Variants in SNTB2 observed in about 807,000 individuals in gnomAD.
SNTB2 encodes the protein beta-2-syntrophin.
SNTB2 carries 34 observed loss-of-function variants against 46.2 expected under a neutral mutation model. The ratio of observed to expected loss-of-function variants is 0.74; its 90% CI spans 0.56 to 0.98. The LOEUF is 0.98. SNTB2 is among the 50% of genes least tolerant of loss of function. The pLI, the probability that SNTB2 is intolerant of heterozygous loss-of-function variation, is 0.00. For missense variants in SNTB2, 603 were observed against 731.4 expected, an observed-to-expected ratio of 0.82 and a Z score of 2.02; for synonymous variants, 290 against 312.6, an observed-to-expected ratio of 0.93 and a Z score of 0.76.
At chr16:69,208,994 T>A (rs1208460023) in intron 1 of SNTB2, among the ~76,000 whole-genome samples, 1 of 145,676 alleles carries the variant, frequency 6.9e-6, no homozygotes, top group Non-Finnish European at 1.5e-5. Flanking sequence ...GTGTGTGTTT[T>A]TGAGATGGAG....
intron 1 of SNTB2, among the ~76,000 whole-genome samples, chr16:69,213,551 G>A (rs1964311845): frequency 1.3e-5 from 2 of 151,644 alleles, no homozygotes; most frequent in East Asian, 1.9e-4. Context: ...TGAGGCTGGA[G>A]AGCAGTGGCA....
Position 69,307,423 on chromosome 16 carries a change from C to T in SNTB2, c.*6499C>T, listed in dbSNP as rs1965324470. ...TTAGACTTTAGTTTGGGAAAGAGAA[C>T]AGTATACAGTATCCTTTGTAAGATA... On this transcript the variant is annotated 3_prime_UTR_variant, in exon 7 of 7. Coordinates refer to ENST00000336278, the MANE Select transcript of SNTB2 (RefSeq NM_006750.4). The T allele has an allele frequency of 6.6e-6, 1 of 151,990 alleles. No individual in the cohort carries two copies. The highest frequency in any genetic ancestry group is 2.1e-4 in the South Asian group (1 of 4,834). 9.4% of individuals were successfully genotyped at this position (151,990 alleles called of 1,614,324 possible).
rs1964661758 is a variant in SNTB2 at position 69,245,510 on chromosome 16, TTATAGA to T, written c.581-86_581-81del. On this transcript the variant is annotated intron_variant, in intron 1 of 6. Coordinates refer to ENST00000336278, the MANE Select transcript of SNTB2 (RefSeq NM_006750.4). ...GCGCCCAGCTCTTTCCTCCACTTTG[TTATAGA>T]TATAGCATGTATGTGAATACTTTAG... 159 of 1,268,420 alleles carry T rather than the reference TTATAGA, an allele frequency of 1.3e-4. 2 individuals carry two copies. In the South Asian group the frequency reaches 2.0e-3, roughly 16 times the overall value. The allele number at this position is 1,268,420 out of a possible 1,614,324, so 78.6% of individuals were successfully genotyped here.
At chr16:69,202,205 T>G (rs1048019668) in intron 1 of SNTB2, among the ~76,000 whole-genome samples, 1 of 152,206 alleles carries the variant, frequency 6.6e-6, no homozygotes, top group Non-Finnish European at 1.5e-5. Flanking sequence ...TTCTCTGACT[T>G]GGAGGCTTTC....
At chr16:69,189,841 C>G (rs1202097089) in intron 1 of SNTB2, among the ~76,000 whole-genome samples, 1 of 152,192 alleles carries the variant, frequency 6.6e-6, no homozygotes, top group African/African-American at 2.4e-5. Flanking sequence ...AAATGCTTCC[C>G]AGTCTTTATT....
At chr16:69,212,432 G>A (rs1242600424) in intron 1 of SNTB2, among the ~76,000 whole-genome samples, 1 of 151,934 alleles carries the variant, frequency 6.6e-6, no homozygotes, top group Non-Finnish European at 1.5e-5. Context: ...TCTGCCTCCC[G>A]GGTTCAAGCG....
intron 1 of SNTB2, among the ~76,000 whole-genome samples, chr16:69,208,406 C>CAA (rs78059351): frequency 8.7e-6 from 1 of 114,290 alleles, no homozygotes; most frequent in African/African-American, 3.3e-5. Context: ...AACTTCGTCT[C>CAA]AAAAAAAAAA....
intron 1 of SNTB2, among the ~76,000 whole-genome samples, chr16:69,226,108 G>C (rs980156405): frequency 1.5e-4 from 23 of 152,000 alleles, no homozygotes; most frequent in South Asian, 4.1e-4. Flanking sequence ...GTCTCACTCT[G>C]TTGCCCAGGC....
At chr16:69,279,869 ATTTAT>A (rs1291247970) in intron 4 of SNTB2, among the ~76,000 whole-genome samples, 1,642 of 149,496 alleles carry the variant, frequency 0.011, 23 homozygotes, top group African/African-American at 0.036. Context: ...TAATTAATTA[ATTTAT>A]TTATTTATTG....
At chr16:69,223,634 T>C (rs1964428755) in intron 1 of SNTB2, among the ~76,000 whole-genome samples, 1 of 151,278 alleles carries the variant, frequency 6.6e-6, no homozygotes. Context: ...TGTGACAGTT[T>C]TGTTTTTTTT....
chr16:69,215,116 C>G lies in SNTB2; in HGVS notation c.580+27370C>G, dbSNP rs527794804. 9.9e-5 allele frequency among the ~76,000 whole-genome samples: 15 copies of G among 152,272 alleles called. No individual in the cohort carries two copies. In the South Asian group the frequency reaches 3.1e-3, roughly 32 times the overall value. The stretch of plus-strand genomic sequence containing the variant: ...CCTCAGACGATCCACCCACTCCCTC[C>G]CAAAGTGTTGGGATTACAGACGTGA... On this transcript the variant is annotated intron_variant, in intron 1 of 6. Transcript: ENST00000336278.
chr16:69,216,279 C>A (rs975313400), intron 1 of SNTB2, among the ~76,000 whole-genome samples: 1 of 152,062 alleles, frequency 6.6e-6, no homozygotes, highest in Non-Finnish European at 1.5e-5. Context: ...AATGGTAATA[C>A]CTGAAATTTG....
At chr16:69,222,750 T>G (rs140218398) in intron 1 of SNTB2, among the ~76,000 whole-genome samples, 30 of 152,242 alleles carry the variant, frequency 2.0e-4, no homozygotes, top group African/African-American at 6.7e-4. Context: ...CTATTTTATC[T>G]CTTTTCCAGA....
chr16:69,264,726 G>A (rs1316662373), intron 3 of SNTB2, among the ~76,000 whole-genome samples: 1 of 152,150 alleles, frequency 6.6e-6, no homozygotes, highest in African/African-American at 2.4e-5. Context: ...TCCTGAACCA[G>A]TAGAAGAAAC....
chr16:69,189,728 T>C (rs1458027982), intron 1 of SNTB2, among the ~76,000 whole-genome samples: 1 of 152,238 alleles, frequency 6.6e-6, no homozygotes, highest in Admixed American at 6.5e-5. Flanking sequence ...CCAGCCTGGA[T>C]GACAGAGCAA....
Position 69,280,717 on chromosome 16 carries a change from TTCTTTATA to T in SNTB2, c.1149-3329_1149-3322del, listed in dbSNP as rs1965033406. On this transcript the variant is annotated intron_variant, in intron 4 of 6. Transcript: ENST00000336278. Reference sequence around the variant, plus strand: ...TTTTCTTATCGTTCAGTTTTAAGAGTTCTTTATATATTTTGGATACCAGTCCTGTATCA... The same window carrying T: ...TTTTCTTATCGTTCAGTTTTAAGAGTTATTTTGGATACCAGTCCTGTATCA... Among the ~76,000 whole-genome samples, 3 of 152,074 alleles carry T rather than the reference TTCTTTATA, an allele frequency of 2.0e-5. No homozygotes were observed. In the South Asian group the frequency reaches 6.2e-4, roughly 31 times the overall value.
intron 1 of SNTB2, among the ~76,000 whole-genome samples, chr16:69,243,598 C>T (rs1020321371): frequency 6.6e-6 from 1 of 152,160 alleles, no homozygotes; most frequent in Non-Finnish European, 1.5e-5. Flanking sequence ...CAGTTGGTAG[C>T]CCAATAGTGT....
At chr16:69,192,002 C>T (rs748443376) in intron 1 of SNTB2, among the ~76,000 whole-genome samples, 19 of 151,968 alleles carry the variant, frequency 1.3e-4, no homozygotes, top group Non-Finnish European at 2.5e-4. Flanking sequence ...AAAAGCCCAA[C>T]CAACAGAAAG....
At chr16:69,207,228 C>G (rs1278541691) in intron 1 of SNTB2, among the ~76,000 whole-genome samples, 1 of 132,782 alleles carries the variant, frequency 7.5e-6, no homozygotes, top group Non-Finnish European at 1.6e-5. Context: ...AATATCGGCT[C>G]ACTGCAACTC....
Sources: gnomAD v4.1 joint callset for allele counts (sites outside exome capture counted in the v4.1 genomes callset) on GRCh38, gnomAD v4.1.1 for gene constraint, MANE v1.5 for transcripts, NCBI Gene and HGNC (gene_info 2026-07-23, HGNC 2026-07-21) for gene names.